Variants in SLC25A26 observed in about 807,000 individuals in gnomAD.
SLC25A26 encodes solute carrier family 25 member 26.
SLC25A26 carries 36 observed loss-of-function variants against 37.8 expected under a neutral mutation model. The ratio of observed to expected loss-of-function variants is 0.95; its 90% CI spans 0.73 to 1.26. The LOEUF (loss-of-function observed/expected upper bound fraction) is 1.26, where lower values mean the gene tolerates loss of function less well. Among genes scored for constraint, SLC25A26 ranks in the 50% most tolerant of loss-of-function variants. SLC25A26 has a pLI of 0.00. For missense variants in SLC25A26, 390 were observed against 331.1 expected (o/e 1.18, Z -1.38); for synonymous variants, 129 against 122.5 (o/e 1.05, Z -0.35).
chr3:66,339,053 C>T (rs961989759), intron 5 of SLC25A26, among the ~76,000 whole-genome samples: 1 of 151,958 alleles, frequency 6.6e-6, no homozygotes, highest in Non-Finnish European at 1.5e-5. Context: ...CTGTTTGAGT[C>T]TGTTTTCAGT....
chr3:66,175,767 G>A (rs2070576601), intron 1 of SLC25A26, among the ~76,000 whole-genome samples: 2 of 152,320 alleles, frequency 1.3e-5, no homozygotes, highest in South Asian at 4.1e-4. Flanking sequence ...ACTCTAGGGA[G>A]GGCTAACCTT....
chr3:66,328,198 A>C (rs2075885290), intron 5 of SLC25A26, among the ~76,000 whole-genome samples: 1 of 152,200 alleles, frequency 6.6e-6, no homozygotes, highest in Non-Finnish European at 1.5e-5. Context: ...ATGATGATGC[A>C]TTCTTTTGTA....
intron 5 of SLC25A26, among the ~76,000 whole-genome samples, chr3:66,334,594 G>A (rs1009712575): frequency 6.6e-6 from 1 of 152,190 alleles, no homozygotes; most frequent in Admixed American, 6.5e-5. Flanking sequence ...AGGATTATAG[G>A]TGTGAATTAC....
intron 1 of SLC25A26, among the ~76,000 whole-genome samples, chr3:66,148,664 C>T (rs946197288): frequency 6.6e-6 from 1 of 152,192 alleles, no homozygotes; most frequent in Non-Finnish European, 1.5e-5. Flanking sequence ...CCTCTCATAC[C>T]TTTCTACCAT....
chr3:66,155,625 G>T (rs953639747), intron 1 of SLC25A26, among the ~76,000 whole-genome samples: 2 of 152,228 alleles, frequency 1.3e-5, no homozygotes, highest in African/African-American at 4.8e-5. Flanking sequence ...GACATTATTT[G>T]TTTGCAAGAA....
Position 66,378,910 on chromosome 3 carries a change from CTT to C in SLC25A26, c.*1105_*1106del, listed in dbSNP as rs1236615531. 2 of 152,560 alleles carry C rather than the reference CTT, an allele frequency of 1.3e-5. No individual in the cohort carries two copies. The highest frequency in any genetic ancestry group is 4.8e-5 in the African/African-American group (2 of 41,434). The allele number at this position is 152,560 out of a possible 1,614,324, so 9.5% of individuals were successfully genotyped here. The stretch of plus-strand genomic sequence containing the variant: ...TACCAAAATTTCTATAAATAAATAA[CTT>C]TGTACATAAAAGTAATACTCCCTCT... On this transcript the variant is annotated 3_prime_UTR_variant, in exon 10 of 10. Coordinates refer to ENST00000354883, the MANE Select transcript of SLC25A26 (RefSeq NM_001379210.1).
chr3:66,292,373 A>T (rs2074742496), intron 5 of SLC25A26, among the ~76,000 whole-genome samples: 1 of 152,092 alleles, frequency 6.6e-6, no homozygotes, highest in African/African-American at 2.4e-5. Context: ...CTATTAATTG[A>T]TGCAGTTTCT....
At chr3:66,237,119 G>A (rs1053342697) in intron 2 of SLC25A26, among the ~76,000 whole-genome samples, 1 of 152,086 alleles carries the variant, frequency 6.6e-6, no homozygotes, top group South Asian at 2.1e-4. Flanking sequence ...ATTATAGTCG[G>A]CATGAGCCAC....
chr3:66,240,362 C>G (rs574320368), intron 2 of SLC25A26, among the ~76,000 whole-genome samples: 7 of 152,062 alleles, frequency 4.6e-5, no homozygotes, highest in African/African-American at 1.7e-4. Context: ...TGACGTTGGC[C>G]CACTGCAACC....
Position 66,374,442 on chromosome 3 carries a change from C to T in SLC25A26, c.708-3248C>T, listed in dbSNP as rs560931601. Among the ~76,000 whole-genome samples, 15 of 152,306 alleles carry T rather than the reference C, an allele frequency of 9.8e-5. 1 individual carries two copies. The South Asian group carries it at 2.3e-3, about 23-fold the overall frequency. The stretch of plus-strand genomic sequence containing the variant: ...TTAATCGACAAATGTGGTGTGGGTT[C>T]GGGCTGTGTCTCCAACCAGCCATTC... On this transcript the variant is annotated intron_variant, in intron 9 of 9. Transcript: ENST00000354883.
intron 6 of SLC25A26, among the ~76,000 whole-genome samples, chr3:66,359,701 T>C (rs1285485863): frequency 3.3e-5 from 5 of 152,248 alleles, no homozygotes; most frequent in Admixed American, 2.0e-4. Context: ...TTGTCTTGTT[T>C]CTTATTCTTT....
chr3:66,350,692 C>CTGTGTG (rs147526506), intron 6 of SLC25A26, among the ~76,000 whole-genome samples: 8 of 135,006 alleles, frequency 5.9e-5, no homozygotes, highest in East Asian at 3.3e-4. Context: ...GCCCTATACT[C>CTGTGTG]TGTGTGTGTG....
intron 1 of SLC25A26, among the ~76,000 whole-genome samples, chr3:66,227,308 G>C (rs782317474): frequency 1.3e-5 from 2 of 152,080 alleles, no homozygotes; most frequent in Non-Finnish European, 2.9e-5. Context: ...TACCATTTAT[G>C]TCTGATTTTT....
chr3:66,192,056 C>T (rs1166087314), intron 1 of SLC25A26, among the ~76,000 whole-genome samples: 1 of 152,046 alleles, frequency 6.6e-6, no homozygotes, highest in African/African-American at 2.4e-5. Context: ...ATGGCTCACG[C>T]CTGTAATCCC....
At position 66,236,535 on chromosome 3, in the gene SLC25A26, T is replaced by A; in HGVS notation, c.34-9T>A. ...TTTTTTCTTTTTCTTCCCTCTTTTTTTTTCAAAGGCTGGTGGGGTAGCAGG... is the reference window on the plus strand; with the variant it reads ...TTTTTTCTTTTTCTTCCCTCTTTTTATTTCAAAGGCTGGTGGGGTAGCAGG... On this transcript the variant is annotated splice_polypyrimidine_tract_variant and intron_variant, in intron 1 of 9. Coordinates refer to ENST00000354883, the MANE Select transcript of SLC25A26 (RefSeq NM_001379210.1). 7.0e-7 allele frequency: 1 copy of A among 1,428,212 alleles called. No homozygotes were observed. Among genetic ancestry groups the A allele is most frequent in the Non-Finnish European group, 9.2e-7 (1 of 1,085,074 alleles). The allele number at this position is 1,428,212 out of a possible 1,614,324, so 88.5% of individuals were successfully genotyped here.
chr3:66,367,124 C>T (rs557332689), intron 7 of SLC25A26, among the ~76,000 whole-genome samples: 7 of 152,228 alleles, frequency 4.6e-5, no homozygotes, highest in African/African-American at 7.2e-5. Flanking sequence ...TCTAAAGATA[C>T]GAAGAAAAAG....
At chr3:66,332,567 C>T (rs916310354) in intron 5 of SLC25A26, among the ~76,000 whole-genome samples, 1 of 152,008 alleles carries the variant, frequency 6.6e-6, no homozygotes, top group Non-Finnish European at 1.5e-5. Flanking sequence ...AATTTGGCAG[C>T]ACTTGGATTT....
At chr3:66,367,137 C>T (rs1020778019) in intron 7 of SLC25A26, among the ~76,000 whole-genome samples, 3 of 152,204 alleles carry the variant, frequency 2.0e-5, no homozygotes, top group Non-Finnish European at 2.9e-5. Context: ...AGAAAAAGCA[C>T]TCATTAGCTC....
At chr3:66,195,306 C>T (rs2071027177) in intron 1 of SLC25A26, among the ~76,000 whole-genome samples, 1 of 152,204 alleles carries the variant, frequency 6.6e-6, no homozygotes, top group Non-Finnish European at 1.5e-5. Context: ...GGGAAAAGCC[C>T]CCTGCCCAAC....
Sources: allele counts gnomAD v4.1 joint callset (sites outside exome capture counted in the v4.1 genomes callset), GRCh38; gene constraint gnomAD v4.1.1; transcripts MANE v1.5; gene names NCBI Gene and HGNC (gene_info 2026-07-23, HGNC 2026-07-21).